The following SDK1 variants were observed in gnomAD, a reference collection of about 807,000 sequenced individuals.
The protein encoded by SDK1 is sidekick cell adhesion molecule 1.
SDK1 carries 157 observed loss-of-function variants against 245.5 expected under a neutral mutation model. The observed-to-expected ratio is 0.64, with a 90% CI of 0.56 to 0.73. The LOEUF (loss-of-function observed/expected upper bound fraction) is 0.73, where lower values mean the gene tolerates loss of function less well. Among genes scored for constraint, SDK1 ranks in the 30% least tolerant of loss-of-function variants. The pLI is 0.00. For missense variants in SDK1, 3,583 were observed against 3,002.3 expected (o/e 1.19, Z -4.52); for synonymous variants, 1,647 against 1,278.5 (o/e 1.29, Z -6.15).
rs1779698458 is a variant in SDK1, at chr7:3,748,908, G to GT, written c.714-72540dup. Among the ~76,000 whole-genome samples the GT allele has an allele frequency of 2.6e-5, 4 of 152,146 alleles. 1 individual carries two copies. Among genetic ancestry groups the GT allele is most frequent in the African/African-American group, 9.6e-5 (4 of 41,512 alleles). On this transcript the variant is annotated intron_variant, in intron 4 of 44. Coordinates refer to ENST00000404826, the MANE Select transcript of SDK1 (RefSeq NM_152744.4). ...CATCCTGTCCAGACAATTTTTTGTT[G>GT]TTGTTCTACAGGAATTCATTGACAA...
At chr7:3,560,676 G>T (rs1002954000) in intron 1 of SDK1, among the ~76,000 whole-genome samples, 11 of 152,068 alleles carry the variant, frequency 7.2e-5, no homozygotes, top group African/African-American at 2.7e-4. Context: ...ACCCTTCTCA[G>T]CACTCTCCAG....
intron 5 of SDK1, among the ~76,000 whole-genome samples, chr7:3,866,167 C>T (rs566916834): frequency 1.7e-4 from 26 of 152,234 alleles, no homozygotes; most frequent in Non-Finnish European, 3.7e-4. Context: ...TCATTCACAA[C>T]CACCATATTG....
At chr7:3,556,781 G>A (rs972269046) in intron 1 of SDK1, among the ~76,000 whole-genome samples, 8 of 152,136 alleles carry the variant, frequency 5.3e-5, no homozygotes, top group African/African-American at 1.9e-4. Flanking sequence ...GCAGCAGAGT[G>A]AGATTCTGTT....
At chr7:4,253,256 C>G (rs530173621) in intron 44 of SDK1, among the ~76,000 whole-genome samples, 1 of 152,158 alleles carries the variant, frequency 6.6e-6, no homozygotes, top group African/African-American at 2.4e-5. Context: ...TTTGTAAATA[C>G]AGGACTTTAT....
intron 1 of SDK1, among the ~76,000 whole-genome samples, chr7:3,356,487 A>G (rs772271950): frequency 6.6e-6 from 1 of 152,054 alleles, no homozygotes; most frequent in Non-Finnish European, 1.5e-5. Flanking sequence ...GCTGCAGTAT[A>G]TTTGGATGAT....
intron 5 of SDK1, among the ~76,000 whole-genome samples, chr7:3,872,506 A>G (rs1399322689): frequency 7.1e-6 from 1 of 140,610 alleles, no homozygotes; most frequent in Non-Finnish European, 1.5e-5. Context: ...GAGTTTTTGT[A>G]GCCTTTTTTC....
chr7:4,215,201 A>G (rs1183336235), intron 38 of SDK1, among the ~76,000 whole-genome samples: 1 of 152,226 alleles, frequency 6.6e-6, no homozygotes, highest in Non-Finnish European at 1.5e-5. Flanking sequence ...AGGATGGCAG[A>G]TCAGACTCAC....
At chr7:4,176,504 A>G (rs77745054) in intron 34 of SDK1, among the ~76,000 whole-genome samples, 7,707 of 152,264 alleles carry the variant, frequency 0.051, 258 homozygotes, top group Non-Finnish European at 0.069. Context: ...CATATAACAG[A>G]AAATGGACCT....
Position 3,728,667 on chromosome 7 carries a change from A to G in SDK1, c.713+86562A>G, listed in dbSNP as rs150927707. 6.8e-3 allele frequency among the ~76,000 whole-genome samples: 1,030 copies of G among 152,302 alleles called. 18 individuals carry two copies. Among genetic ancestry groups the G allele is most frequent in the African/African-American group, 0.023 (957 of 41,568 alleles). On this transcript the variant is annotated intron_variant, in intron 4 of 44. Coordinates refer to ENST00000404826, the MANE Select transcript of SDK1 (RefSeq NM_152744.4). Reference sequence around the variant, plus strand: ...GTCGGCCTGACTGGATTACAGTGGCACGATCTCAGCTTACTGTATCCTCCA... The same window carrying G: ...GTCGGCCTGACTGGATTACAGTGGCGCGATCTCAGCTTACTGTATCCTCCA...
chr7:4,022,314 C>T (rs985472169), intron 17 of SDK1, among the ~76,000 whole-genome samples: 2 of 152,236 alleles, frequency 1.3e-5, no homozygotes, highest in Admixed American at 1.3e-4. Flanking sequence ...AGCCTCATTT[C>T]TCCTCCTCCC....
chr7:3,550,610 A>C (rs1779371025), intron 1 of SDK1, among the ~76,000 whole-genome samples: 1 of 152,210 alleles, frequency 6.6e-6, no homozygotes, highest in Non-Finnish European at 1.5e-5. Flanking sequence ...GAACTTTTAG[A>C]GCATGTAGAA....
intron 1 of SDK1, among the ~76,000 whole-genome samples, chr7:3,431,462 G>T (rs1034553409): frequency 2.0e-5 from 3 of 149,650 alleles, no homozygotes; most frequent in African/African-American, 2.5e-5. Flanking sequence ...CATATGCATT[G>T]GTGTGGTCTA....
At chr7:4,062,850 A>G (rs917815423) in intron 19 of SDK1, among the ~76,000 whole-genome samples, 9 of 152,212 alleles carry the variant, frequency 5.9e-5, no homozygotes, top group Non-Finnish European at 8.8e-5. Context: ...ATAAAAGACA[A>G]AAACCATGTG....
At chr7:3,762,015 A>G (rs1016756725) in intron 4 of SDK1, among the ~76,000 whole-genome samples, 2 of 152,242 alleles carry the variant, frequency 1.3e-5, no homozygotes, top group African/African-American at 4.8e-5. Flanking sequence ...ACAAACTATC[A>G]GCAGATGACT....
intron 1 of SDK1, among the ~76,000 whole-genome samples, chr7:3,578,394 CAG>C (rs1051986700): frequency 4.6e-4 from 70 of 152,098 alleles, no homozygotes; most frequent in African/African-American, 1.6e-3. Context: ...CAAGGCAAAA[CAG>C]AACTACTGAT....
intron 33 of SDK1, 132 bp downstream of exon 33, chr7:4,174,489 C>G: frequency 9.4e-7 from 1 of 1,061,690 alleles, no homozygotes; most frequent in Non-Finnish European, 1.4e-6. Context: ...CCCTCAGGAA[C>G]AGGGAGCAGG....
intron 17 of SDK1, among the ~76,000 whole-genome samples, chr7:4,034,531 T>C (rs1282206407): frequency 6.6e-6 from 1 of 152,228 alleles, no homozygotes; most frequent in Non-Finnish European, 1.5e-5. Flanking sequence ...TATTTCAAAA[T>C]GAAAATTATC....
At chr7:4,041,483 G>T (rs1788633095) in intron 17 of SDK1, among the ~76,000 whole-genome samples, 1 of 151,964 alleles carries the variant, frequency 6.6e-6, no homozygotes, top group African/African-American at 2.4e-5. Flanking sequence ...TTTACGTGAG[G>T]GTTCACGCTT....
At chr7:3,705,425 GATTTTATTTTATTTT>G (rs4039583) in intron 4 of SDK1, among the ~76,000 whole-genome samples, 6,426 of 113,800 alleles carry the variant, frequency 0.056, 300 homozygotes, top group African/African-American at 0.11. Context: ...TATTCCTAGT[GATTTTATTTTATTTT>G]ATTTTATTTT....
Sources: gnomAD v4.1 joint callset for allele counts (sites outside exome capture counted in the v4.1 genomes callset) on GRCh38, gnomAD v4.1.1 for gene constraint, MANE v1.5 for transcripts, NCBI Gene and HGNC (gene_info 2026-07-23, HGNC 2026-07-21) for gene names.